The following LRRC74A variants were observed in gnomAD, a reference collection of about 807,000 sequenced individuals.
The protein encoded by LRRC74A is leucine-rich repeat-containing protein 74A.
LRRC74A carries 44 observed loss-of-function variants against 57.9 expected under a neutral mutation model. The observed-to-expected ratio is 0.76, with a 90% confidence interval of 0.60 to 0.98. The LOEUF (loss-of-function observed/expected upper bound fraction) is 0.98. Ranked by LOEUF, LRRC74A falls within the 50% of genes least tolerant of loss-of-function variation. The pLI is 0.00. For synonymous variants in LRRC74A, 211 were observed against 219.4 expected (o/e 0.96, Z 0.34); for missense variants, 572 against 574.0 (o/e 1.00, Z 0.04).
chr14:76,848,085 AC>A (rs1366129585), intron 7 of LRRC74A, among the ~76,000 whole-genome samples: 1 of 143,974 alleles, frequency 6.9e-6, no homozygotes, highest in African/African-American at 2.6e-5. Context: ...AGGCACAAGA[AC>A]CGTTTGAACC....
At chr14:76,839,870 A>G (rs949310483) in intron 5 of LRRC74A, among the ~76,000 whole-genome samples, 3 of 152,062 alleles carry the variant, frequency 2.0e-5, no homozygotes, top group African/African-American at 7.2e-5. Flanking sequence ...AGCTGGGACT[A>G]TAGGTGCCCG....
intron 5 of LRRC74A, among the ~76,000 whole-genome samples, chr14:76,841,917 G>T (rs1400759456): frequency 6.6e-6 from 1 of 151,944 alleles, no homozygotes; most frequent in Non-Finnish European, 1.5e-5. Context: ...TCTCCATGTT[G>T]GTCAGGCTGG....
chr14:76,864,501 G>A (rs894089601), intron 11 of LRRC74A, among the ~76,000 whole-genome samples: 9 of 151,746 alleles, frequency 5.9e-5, no homozygotes, highest in Middle Eastern at 3.4e-3. Context: ...CTGTAATATC[G>A]TAAGGCCGGG....
intron 11 of LRRC74A, among the ~76,000 whole-genome samples, chr14:76,862,389 G>A (rs1326728625): frequency 6.6e-6 from 1 of 152,134 alleles, no homozygotes; most frequent in Non-Finnish European, 1.5e-5. Context: ...AATTAGCCGA[G>A]CGTGGTGGCA....
chr14:76,864,696 A>G (rs1898631935), intron 11 of LRRC74A, among the ~76,000 whole-genome samples: 1 of 152,194 alleles, frequency 6.6e-6, no homozygotes, highest in Non-Finnish European at 1.5e-5. Context: ...TCTACTAAAA[A>G]TACAAAAATA....
intron 11 of LRRC74A, among the ~76,000 whole-genome samples, chr14:76,861,801 C>T (rs551843642): frequency 2.0e-5 from 3 of 152,310 alleles, no homozygotes; most frequent in South Asian, 4.1e-4. Flanking sequence ...GGCCGCAGAG[C>T]GGTTACTACC....
chr14:76,846,826 G>A (rs1380393575), intron 7 of LRRC74A, among the ~76,000 whole-genome samples: 1 of 92,748 alleles, frequency 1.1e-5, no homozygotes, highest in African/African-American at 3.6e-5. Context: ...GTTTGCAATG[G>A]CCATTTGAAC....
intron 7 of LRRC74A, among the ~76,000 whole-genome samples, chr14:76,850,202 C>T (rs979559293): frequency 2.0e-5 from 3 of 151,864 alleles, no homozygotes; most frequent in Non-Finnish European, 2.9e-5. Context: ...ACGGAGACCC[C>T]GTCTCAAAAA....
chr14:76,852,514 GC>G, intron 8 of LRRC74A, 64 bp downstream of exon 8: 1 of 1,217,912 alleles, frequency 8.2e-7, no homozygotes, highest in Non-Finnish European at 1.2e-6. Flanking sequence ...CTCCCATCCT[GC>G]CATCCTAAGC....
Position 76,831,352 on chromosome 14 carries a change from A to G in LRRC74A, c.316A>G (p.Lys106Glu). The change falls in exon 3 of 14, where the codon AAG becomes GAG. Residue 106 changes from lysine to glutamate, a missense_variant. Lys to Glu is a moderately conservative substitution (Grantham distance 56). Transcript: ENST00000689127. ...CCACGGCCTGGGCCCCAGGGGTACCAAGGCTATTGCTATAGCCCTGGTGGT... is the reference window on the plus strand; with the variant it reads ...CCACGGCCTGGGCCCCAGGGGTACCGAGGCTATTGCTATAGCCCTGGTGGT... ...NHHGLGPRGT[K>E]AIAIALVSNM... 6.2e-7 allele frequency: 1 copy of G among 1,613,600 alleles called. No homozygotes were observed. The highest frequency in any genetic ancestry group is 1.1e-5 in the South Asian group (1 of 91,064).
intron 3 of LRRC74A, among the ~76,000 whole-genome samples, chr14:76,835,007 C>T (rs575501830): frequency 6.6e-6 from 1 of 152,284 alleles, no homozygotes; most frequent in Non-Finnish European, 1.5e-5. Flanking sequence ...ATTAACACTC[C>T]TTCCACCTGC....
intron 7 of LRRC74A, among the ~76,000 whole-genome samples, chr14:76,848,613 T>C (rs1384561517): frequency 3.3e-5 from 5 of 152,064 alleles, no homozygotes; most frequent in Admixed American, 2.0e-4. Context: ...AAGAACACTA[T>C]ACGCAACCAC....
intron 4 of LRRC74A, among the ~76,000 whole-genome samples, chr14:76,837,572 T>C (rs751870389): frequency 6.6e-6 from 1 of 152,180 alleles, no homozygotes. Context: ...AACAAAATAG[T>C]ATGCTTATCT....
intron 11 of LRRC74A, among the ~76,000 whole-genome samples, chr14:76,865,608 A>G (rs1200753083): frequency 6.6e-6 from 1 of 152,228 alleles, no homozygotes; most frequent in East Asian, 1.9e-4. Context: ...GCGTTTGTAG[A>G]TAATGATCAC....
In LRRC74A at chr14:76,867,367, C is replaced by T. The variant is rs1470692261; in HGVS notation, c.1320C>T (p.Val440=). The T allele has an allele frequency of 5.1e-6, 8 of 1,573,520 alleles. No homozygotes were observed. Among genetic ancestry groups the T allele is most frequent in the Middle Eastern group, 1.7e-4 (1 of 5,994 alleles). The change falls in exon 13 of 14, where the codon GTC becomes GTT. Residue 440 remains valine (V), a synonymous_variant. Coordinates refer to ENST00000689127, the MANE Select transcript of LRRC74A (RefSeq NM_001385106.1). ...ATCCACCTCCTCAGCAAAACAAGGTCCCCCTGAACCAGTACCAGGTCAGGG... is the reference window on the plus strand; with the variant it reads ...ATCCACCTCCTCAGCAAAACAAGGTTCCCCTGAACCAGTACCAGGTCAGGG... ...FQKVMIEQNK[V]PLNQYQVREV... is the part of the protein sequence containing the mutation.
At chr14:76,861,484 C>G (rs1322522664) in intron 11 of LRRC74A, among the ~76,000 whole-genome samples, 5 of 151,856 alleles carry the variant, frequency 3.3e-5, no homozygotes, top group Admixed American at 3.3e-4. Context: ...TTCTTTCCAA[C>G]AGCTGGTAAG....
At chr14:76,828,211 G>A in intron 1 of LRRC74A, 80 bp from the exon 2 acceptor site, 1 of 1,511,572 alleles carries the variant, frequency 6.6e-7, no homozygotes, top group Non-Finnish European at 8.9e-7. Flanking sequence ...AGCAGAGATG[G>A]AGGGGCGGCA....
intron 7 of LRRC74A, among the ~76,000 whole-genome samples, chr14:76,849,828 A>G (rs922889093): frequency 2.6e-5 from 4 of 151,288 alleles, no homozygotes; most frequent in African/African-American, 9.7e-5. Context: ...CAAAAAACAA[A>G]AAAAAAACCC....
At chr14:76,868,049 C>T (rs1566749381) in intron 13 of LRRC74A, among the ~76,000 whole-genome samples, 1 of 152,244 alleles carries the variant, frequency 6.6e-6, no homozygotes, top group Admixed American at 6.5e-5. Context: ...GTCCCCGCCA[C>T]ATGCCTGTCC....
Sources: allele counts gnomAD v4.1 joint callset (sites outside exome capture counted in the v4.1 genomes callset), GRCh38; gene constraint gnomAD v4.1.1; transcripts MANE v1.5; gene names NCBI Gene and HGNC (gene_info 2026-07-23, HGNC 2026-07-21).